LILRB2: variants seen among roughly 807,000 people sequenced by gnomAD.
LILRB2 encodes the protein leukocyte immunoglobulin like receptor B2, also known as leukocyte immunoglobulin-like receptor subfamily B member 2.
LILRB2 carries 47 observed loss-of-function variants against 72.7 expected under a neutral mutation model. The ratio of observed to expected loss-of-function variants is 0.65; its 90% confidence interval spans 0.51 to 0.82. The LOEUF (loss-of-function observed/expected upper bound fraction) is 0.82, where lower values mean the gene tolerates loss of function less well. LILRB2 is among the 40% of genes least tolerant of loss of function. The pLI is 0.00. For synonymous variants in LILRB2, 279 were observed against 313.7 expected (o/e 0.89, Z 1.17); for missense variants, 767 against 764.8 (o/e 1.00, Z -0.03).
Position 54,278,905 on chromosome 19 carries a change from G to C in LILRB2, c.862C>G (p.Arg288Gly), listed in dbSNP as rs373911370. 16 of 1,614,140 alleles carry C rather than the reference G, an allele frequency of 9.9e-6. No individual in the cohort carries two copies. The highest frequency in any genetic ancestry group is 4.5e-5 in the East Asian group (2 of 44,872). The change falls in exon 6 of 14, where the codon CGC becomes GGC. Residue 288 changes from arginine (R) to glycine (G), a missense_variant. Physicochemically the swap from Arg to Gly is moderately radical, Grantham distance 125. This residue lies in a region of LILRB2 where 599 missense variants were observed against 568.2 expected (regional missense o/e 1.05). Coordinates refer to ENST00000314446, the MANE Select transcript of LILRB2 (RefSeq NM_001080978.4). ...QANFTLGPVSRSYGGQYRCYG... is the reference protein window; with the variant it reads ...QANFTLGPVSGSYGGQYRCYG... Reference sequence around the variant, plus strand: ...CATCTGTACTGGCCCCCGTAGGAGCGGCTCACAGGGCCCAGGGTGAAGTTG... The same window carrying C: ...CATCTGTACTGGCCCCCGTAGGAGCCGCTCACAGGGCCCAGGGTGAAGTTG...
rs764695132 is a variant in LILRB2, at chr19:54,276,427, C to T, written c.1510G>A (p.Ala504Thr). ...GTGGGCTCTGGCCCCACAGCCCCTG[C>T]AGGATGTTGGAAATCAGCCTTTCTC... is the stretch of plus-strand genomic sequence containing the variant. Reference protein sequence around the residue: ...TQRKADFQHPAGAVGPEPTDR... With the variant: ...TQRKADFQHPTGAVGPEPTDR... The change falls in exon 11 of 14, where the codon GCA becomes ACA. Residue 504 changes from alanine (A) to threonine (T), a missense_variant. By Grantham distance (58) the Ala-to-Thr change is moderately conservative. Coordinates refer to ENST00000314446, the MANE Select transcript of LILRB2 (RefSeq NM_001080978.4). 6.3e-7 allele frequency: 1 copy of T among 1,598,028 alleles called. No individual in the cohort carries two copies. Among genetic ancestry groups the T allele is most frequent in the East Asian group, 2.3e-5 (1 of 44,444 alleles).
chr19:54,276,080 C>G, intron 12 of LILRB2, 77 bp from the exon 13 acceptor site: 2 of 1,585,056 alleles, frequency 1.3e-6, no homozygotes, highest in Non-Finnish European at 8.6e-7. Flanking sequence ...CCCTGCCCTG[C>G]TCCCAGATGG....
intron 5 of LILRB2, 56 bp from the exon 6 acceptor site, chr19:54,279,164 C>A: frequency 6.5e-7 from 1 of 1,527,252 alleles, no homozygotes; most frequent in Non-Finnish European, 8.8e-7. Flanking sequence ...CCCCACAAAC[C>A]CTCCCTCTCC....
chr19:54,280,632 G>T (rs1166797129), intron 1 of LILRB2, 88 bp from the exon 2 acceptor site: 2 of 1,531,060 alleles, frequency 1.3e-6, no homozygotes, highest in African/African-American at 2.7e-5. Flanking sequence ...TTCTCATGGG[G>T]TGTTGTCATC....
In LILRB2 at chr19:54,276,246, C is replaced by T. The variant is rs201680042; in HGVS notation, c.1594+18G>A. ...CCCCTATCTCCCTCCTGGCTGGTCACCTCTTCCTCTCACTCACAGAGGTTT... is the reference window on the plus strand; with the variant it reads ...CCCCTATCTCCCTCCTGGCTGGTCATCTCTTCCTCTCACTCACAGAGGTTT... On this transcript the variant is annotated intron_variant, in intron 12 of 13. Transcript: ENST00000314446. The T allele has an allele frequency of 5.0e-6, 8 of 1,613,906 alleles. No homozygotes were observed. Among genetic ancestry groups the T allele is most frequent in the South Asian group, 1.1e-5 (1 of 91,070 alleles).
intron 2 of LILRB2, 36 bp downstream of exon 2, chr19:54,280,427 C>G (rs368218937): frequency 6.2e-7 from 1 of 1,613,888 alleles, no homozygotes; most frequent in Admixed American, 1.7e-5. Flanking sequence ...GAGGTCCCTC[C>G]TAGGTTAGAA....
rs373805149 is a variant in LILRB2, at chr19:54,276,888, C to T, written c.1399G>A (p.Ala467Thr). 2.0e-5 allele frequency: 32 copies of T among 1,614,052 alleles called. No individual in the cohort carries two copies. The African/African-American group carries it at 4.3e-4, about 22-fold the overall frequency. The change falls in exon 10 of 14, where the codon GCC becomes ACC. Residue 467 changes from alanine (A) to threonine (T), a missense_variant. Transcript: ENST00000314446. ...HLGVVIGILV[A>T]VVLLLLLLLL... ...AGGAGGAGGAGCAGTAGGACGACGG[C>T]CACCAAGATGCCGATCACAACCCCC... is the stretch of plus-strand genomic sequence containing the variant.
In LILRB2 at chr19:54,278,966, G is replaced by T. The variant is rs765223134; in HGVS notation, c.801C>A (p.Leu267=). 6.2e-7 allele frequency: 1 copy of T among 1,614,204 alleles called. No individual in the cohort carries two copies. Among genetic ancestry groups the T allele is most frequent in the South Asian group, 1.1e-5 (1 of 91,088 alleles). ...GCCCAGCCTGGGGCTGCCGGCCAGG[G>T]AGCTGGCGAAGGTCACGTTCCCCCT... ...YKEGERDLRQ[L]PGRQPQAGLS... Residue 267 remains leucine, a synonymous_variant, in exon 6 of 14, where the codon CTC becomes CTA. Transcript: ENST00000314446.
intron 12 of LILRB2, 68 bp from the exon 13 acceptor site, chr19:54,276,071 C>T (rs1047652565): frequency 9.6e-5 from 153 of 1,593,706 alleles, no homozygotes; most frequent in Non-Finnish European, 1.2e-4. Context: ...CCTGCCAGCC[C>T]CTGCCCTGCT....
Position 54,280,039 on chromosome 19 carries a change from T to A in LILRB2, c.107A>T (p.Asp36Val). 6.2e-7 allele frequency: 1 copy of A among 1,612,120 alleles called. No homozygotes were observed. The highest frequency in any genetic ancestry group is 8.5e-7 in the Non-Finnish European group (1 of 1,179,290). ...GGGACTCCCCTGGGTGATCACAGAG[T>A]CTGGCTCAGCCCACAGGGTGGGCTT... ...IPKPTLWAEP[D>V]SVITQGSPVT... is the part of the protein sequence containing the mutation. Residue 36 changes from aspartate (D) to valine (V), a missense_variant, in exon 4 of 14, where the codon GAC becomes GTC. Physicochemically the swap from Asp to Val is radical, Grantham distance 152. Around this residue, in one of 3 missense-constraint regions of LILRB2, gnomAD observed 599 missense variants for 568.2 expected, o/e 1.05. Coordinates refer to ENST00000314446, the MANE Select transcript of LILRB2 (RefSeq NM_001080978.4).
At chr19:54,279,231 C>G in intron 5 of LILRB2, 114 bp downstream of exon 5, 1 of 1,538,394 alleles carries the variant, frequency 6.5e-7, no homozygotes, top group South Asian at 1.3e-5. Flanking sequence ...ACCCCTGAGC[C>G]CTCTCGCCCC....
At chr19:54,280,605 A>C in intron 1 of LILRB2, 61 bp from the exon 2 acceptor site, 1 of 1,552,428 alleles carries the variant, frequency 6.4e-7, no homozygotes, top group Non-Finnish European at 8.8e-7. Flanking sequence ...CTGTGTGGAC[A>C]CTCAGAGGCT....
chr19:54,277,515 C>T lies in LILRB2; in HGVS notation c.1357+35G>A, dbSNP rs1410963232. On this transcript the variant is annotated intron_variant, in intron 9 of 13. Transcript: ENST00000314446. ...AGAACCCACCCCTGCCTCCCCGGGA[C>T]CCCGCCCACCTCCCACTCAGAGCCC... 3 of 1,554,618 alleles carry T rather than the reference C, an allele frequency of 1.9e-6. No homozygotes were observed. The Admixed American group carries it at 5.8e-5, about 30-fold the overall frequency.
At position 54,273,903 on chromosome 19, in the gene LILRB2, TACAC is replaced by T; in HGVS notation, c.*776_*779del. 1 of 151,938 alleles carries T rather than the reference TACAC, an allele frequency of 6.6e-6. No individual in the cohort carries two copies. The highest frequency in any genetic ancestry group is 1.5e-5 in the Non-Finnish European group (1 of 68,034). The allele number at this position is 151,938 out of a possible 1,614,324, so 9.4% of individuals were successfully genotyped here. On this transcript the variant is annotated 3_prime_UTR_variant, in exon 14 of 14. Transcript: ENST00000314446. Reference sequence around the variant, plus strand: ...ACACACACATATATATACACACACATACACACACATTTAAAATGAGTCAGATTCT... The same window carrying T: ...ACACACACATATATATACACACACATACACATTTAAAATGAGTCAGATTCT...
intron 13 of LILRB2, 110 bp from the exon 14 acceptor site, chr19:54,274,939 T>C (rs2080152895): frequency 1.9e-6 from 3 of 1,610,622 alleles, no homozygotes; most frequent in African/African-American, 1.3e-5. Context: ...CTCTTCTGCC[T>C]GTCTGTCCTT....
chr19:54,275,391 G>A, intron 13 of LILRB2: 10 of 505,798 alleles, frequency 2.0e-5, no homozygotes, highest in South Asian at 1.9e-4. Flanking sequence ...AGGCTTCTCA[G>A]ATGACAGCTG....
In LILRB2 at chr19:54,273,863, C is replaced by T. The variant is rs1478676409; in HGVS notation, c.*820G>A. On this transcript the variant is annotated 3_prime_UTR_variant, in exon 14 of 14. Coordinates refer to ENST00000314446, the MANE Select transcript of LILRB2 (RefSeq NM_001080978.4). Reference sequence around the variant, plus strand: ...TATTACAGTCAATGTTTTTCACACACACACACACACACACACACACACATA... The same window carrying T: ...TATTACAGTCAATGTTTTTCACACATACACACACACACACACACACACATA... The T allele has an allele frequency of 6.7e-6, 1 of 149,816 alleles. No individual in the cohort carries two copies. The highest frequency in any genetic ancestry group is 1.5e-5 in the Non-Finnish European group (1 of 67,626). The allele number at this position is 149,816 out of a possible 1,614,324, so 9.3% of individuals were successfully genotyped here. A position where few individuals can be genotyped will look rare whatever the true frequency, so the allele number is the denominator to read the frequency against.
Position 54,277,765 on chromosome 19 carries a change from C to G in LILRB2, c.1309+124G>C, listed in dbSNP as rs1323358618. 19 of 1,318,490 alleles carry G rather than the reference C, an allele frequency of 1.4e-5. No homozygotes were observed. The South Asian group carries it at 2.3e-4, about 16-fold the overall frequency. 81.7% of individuals were successfully genotyped at this position (1,318,490 alleles called of 1,614,324 possible). A position where few individuals can be genotyped will look rare whatever the true frequency, so the allele number is the denominator to read the frequency against. The stretch of plus-strand genomic sequence containing the variant: ...GGACCCTGTGGCCCCTCCTCTGGCT[C>G]TGCCCAGCTCCCTGGACAGAAGCCC... On this transcript the variant is annotated intron_variant, in intron 8 of 13. Coordinates refer to ENST00000314446, the MANE Select transcript of LILRB2 (RefSeq NM_001080978.4).
chr19:54,276,925 C>G lies in LILRB2; in HGVS notation c.1362G>C (p.Leu454=). The G allele has an allele frequency of 6.2e-7, 1 of 1,613,658 alleles. No homozygotes were observed. Among genetic ancestry groups the G allele is most frequent in the Non-Finnish European group, 8.5e-7 (1 of 1,179,790 alleles). ...TPTGSDPQSG[L]GRHLGVVIGI... ...CGATCACAACCCCCAGGTGCCTTCC[C>G]AGACCTTGAGCACGATGATGTCAGG... Residue 454 remains leucine, a synonymous_variant, in exon 10 of 14, where the codon CTG becomes CTC. Coordinates refer to ENST00000314446, the MANE Select transcript of LILRB2 (RefSeq NM_001080978.4).
Sources: allele counts gnomAD v4.1 joint callset, GRCh38; gene constraint gnomAD v4.1.1; regional missense constraint gnomAD v4.1.1; transcripts MANE v1.5; gene names NCBI Gene and HGNC (gene_info 2026-07-23, HGNC 2026-07-21).